SESN1: variants seen among roughly 807,000 people sequenced by gnomAD.
SESN1 encodes sestrin-1.
In SESN1, 30 loss-of-function variants were observed where a neutral mutation model predicts 59.3. The observed-to-expected ratio is 0.51, with a 90% CI of 0.38 to 0.69. The LOEUF (loss-of-function observed/expected upper bound fraction) is 0.69. Ranked by LOEUF, SESN1 falls within the 30% of genes least tolerant of loss-of-function variation. The probability of loss-of-function intolerance (pLI) is 0.00; values close to 1 mark genes in which losing one functional copy is unlikely to be tolerated. For synonymous variants in SESN1, 197 were observed against 219.9 expected, an observed-to-expected ratio of 0.90 and a Z score of 0.92; for missense variants, 566 against 673.0, an observed-to-expected ratio of 0.84 and a Z score of 1.76.
At chr6:109,052,311 TTTG>T (rs1390389530) in intron 1 of SESN1, among the ~76,000 whole-genome samples, 6 of 152,192 alleles carry the variant, frequency 3.9e-5, no homozygotes, top group Non-Finnish European at 5.9e-5. Context: ...AAAGATAATT[TTTG>T]TTATTATAAA....
intron 1 of SESN1, among the ~76,000 whole-genome samples, chr6:109,019,751 T>A (rs1029845837): frequency 1.6e-4 from 25 of 152,356 alleles, no homozygotes; most frequent in African/African-American, 5.8e-4. Context: ...GATATCCAGA[T>A]AATTTTTAGT....
chr6:109,041,193 T>TC (rs912716704), intron 1 of SESN1, among the ~76,000 whole-genome samples: 20 of 150,536 alleles, frequency 1.3e-4, no homozygotes, highest in African/African-American at 4.6e-4. Flanking sequence ...GCACCTATAG[T>TC]CCCAGCTACT....
rs146646955 is a variant in SESN1, at chr6:109,004,422, G to A, written c.280-2079C>T. ...AAGAAAGATTACTATAAATCAATAC[G>A]AAAATCCCCAACAATCTTTTTTTTT... is the stretch of plus-strand genomic sequence containing the variant. On this transcript the variant is annotated intron_variant, in intron 1 of 9. Coordinates refer to ENST00000436639, the MANE Select transcript of SESN1 (RefSeq NM_014454.3). 8.3e-3 allele frequency among the ~76,000 whole-genome samples: 1,256 copies of A among 150,458 alleles called. 8 individuals are homozygous for A. Among genetic ancestry groups the A allele is most frequent in the Non-Finnish European group, 0.014 (914 of 67,652 alleles).
intron 1 of SESN1, among the ~76,000 whole-genome samples, chr6:109,041,925 C>T (rs1168523947): frequency 2.0e-5 from 3 of 151,856 alleles, no homozygotes; most frequent in African/African-American, 4.8e-5. Flanking sequence ...GGAATATATA[C>T]CAAAACAGAA....
At chr6:109,003,583 C>A (rs1452443047) in intron 1 of SESN1, among the ~76,000 whole-genome samples, 1 of 152,082 alleles carries the variant, frequency 6.6e-6, no homozygotes, top group Non-Finnish European at 1.5e-5. Flanking sequence ...ATAAAATAAT[C>A]TTATACTGGA....
Position 109,000,661 on chromosome 6 carries a change from G to A in SESN1, c.559C>T (p.His187Tyr). 1 of 1,588,372 alleles carries A rather than the reference G, an allele frequency of 6.3e-7. No individual in the cohort carries two copies. The highest frequency in any genetic ancestry group is 2.3e-5 in the East Asian group (1 of 44,258). ...HYIGIMAAAR[H>Y]QCSYLVNLHV... ...AGGTTCACTAAGTAGGAGCACTGATGTCTTGCCGCAGCCTTAAAACAAAAA... is the reference window on the plus strand; with the variant it reads ...AGGTTCACTAAGTAGGAGCACTGATATCTTGCCGCAGCCTTAAAACAAAAA... Residue 187 changes from histidine to tyrosine, a missense_variant, in exon 4 of 10, where the codon CAT becomes TAT. His to Tyr is a moderately conservative substitution (Grantham distance 83). Coordinates refer to ENST00000436639, the MANE Select transcript of SESN1 (RefSeq NM_014454.3).
At chr6:109,022,818 A>T (rs1179402480) in intron 1 of SESN1, among the ~76,000 whole-genome samples, 6 of 152,180 alleles carry the variant, frequency 3.9e-5, no homozygotes, top group Non-Finnish European at 7.3e-5. Flanking sequence ...TTAAGTATTT[A>T]ACCCAAGGCC....
At chr6:109,046,992 G>T (rs1372796228) in intron 1 of SESN1, among the ~76,000 whole-genome samples, 4 of 74,326 alleles carry the variant, frequency 5.4e-5, no homozygotes, top group African/African-American at 1.1e-4. Context: ...GGAGGGAGGT[G>T]GGGGGGGTCA....
chr6:109,061,705 G>A (rs563705882), intron 1 of SESN1, among the ~76,000 whole-genome samples: 1 of 152,272 alleles, frequency 6.6e-6, no homozygotes, highest in East Asian at 1.9e-4. Context: ...TCAGGAGGCT[G>A]AGGTGGGAAG....
intron 1 of SESN1, among the ~76,000 whole-genome samples, chr6:109,069,748 G>A (rs575648608): frequency 6.6e-6 from 1 of 151,980 alleles, no homozygotes; most frequent in South Asian, 2.1e-4. Context: ...GTGGGAGGGG[G>A]GGTCTCACTA....
chr6:109,047,507 C>T (rs1176626275), intron 1 of SESN1, among the ~76,000 whole-genome samples: 1 of 131,188 alleles, frequency 7.6e-6, no homozygotes, highest in Non-Finnish European at 1.7e-5. Flanking sequence ...GCCGCCCCGT[C>T]CGGGAGGTGA....
At chr6:109,032,415 A>C (rs1247667258) in intron 1 of SESN1, among the ~76,000 whole-genome samples, 1 of 152,162 alleles carries the variant, frequency 6.6e-6, no homozygotes, top group Middle Eastern at 3.4e-3. Flanking sequence ...TCAGGAATTC[A>C]AGACCAGCCT....
chr6:108,998,443 A>T, intron 5 of SESN1, 70 bp downstream of exon 5: 1 of 1,575,324 alleles, frequency 6.3e-7, no homozygotes, highest in Admixed American at 1.7e-5. Context: ...TAAGAAGCCA[A>T]CTGAAGAAAT....
chr6:109,022,414 T>C (rs1780026258), intron 1 of SESN1, among the ~76,000 whole-genome samples: 1 of 71,242 alleles, frequency 1.4e-5, no homozygotes, highest in African/African-American at 5.4e-5. Flanking sequence ...TCTAAAGCTT[T>C]TTTTTTTTTT....
chr6:109,079,227 G>T (rs1377917735), intron 1 of SESN1, among the ~76,000 whole-genome samples: 1 of 149,806 alleles, frequency 6.7e-6, no homozygotes, highest in Non-Finnish European at 1.5e-5. Context: ...GGGATTGTCT[G>T]ATATTCATAC....
chr6:108,994,553 C>A lies in SESN1; in HGVS notation c.1029G>T (p.Gln343His), dbSNP rs1291786157. ...EALMEKMRQL[Q>H]ECRDEEEASQ... Reference sequence around the variant, plus strand: ...TTGCCTCTTCTTCATCTCGACATTCCTGTAACTGCCTCATCTTTTCCATGA... The same window carrying A: ...TTGCCTCTTCTTCATCTCGACATTCATGTAACTGCCTCATCTTTTCCATGA... The change falls in exon 6 of 10, where the codon CAG becomes CAT. Residue 343 changes from glutamine to histidine, a missense_variant. By Grantham distance (24) the Gln-to-His change is conservative. Coordinates refer to ENST00000436639, the MANE Select transcript of SESN1 (RefSeq NM_014454.3). The A allele has an allele frequency of 3.1e-6, 5 of 1,613,666 alleles. No individual in the cohort carries two copies. In the East Asian group the frequency reaches 1.1e-4, roughly 36 times the overall value.
At chr6:109,051,298 A>T (rs570000240) in intron 1 of SESN1, among the ~76,000 whole-genome samples, 1 of 151,922 alleles carries the variant, frequency 6.6e-6, no homozygotes, top group African/African-American at 2.4e-5. Context: ...AAAGATTTTT[A>T]AAAATTATTT....
At chr6:109,055,206 GTCCTTATC>G (rs1469702352) in intron 1 of SESN1, among the ~76,000 whole-genome samples, 1 of 152,070 alleles carries the variant, frequency 6.6e-6, no homozygotes, top group African/African-American at 2.4e-5. Flanking sequence ...GATAACCCTG[GTCCTTATC>G]TCCGTTCAAT....
chr6:109,043,661 A>G (rs916957981), intron 1 of SESN1, among the ~76,000 whole-genome samples: 5 of 152,222 alleles, frequency 3.3e-5, no homozygotes, highest in Non-Finnish European at 7.3e-5. Context: ...TATAGACTCT[A>G]TACACCAAAA....
Sources: allele counts gnomAD v4.1 joint callset (sites outside exome capture counted in the v4.1 genomes callset), GRCh38; gene constraint gnomAD v4.1.1; transcripts MANE v1.5; gene names NCBI Gene and HGNC (gene_info 2026-07-23, HGNC 2026-07-21).